The following ATRNL1 variants were observed in gnomAD, a reference collection of about 807,000 sequenced individuals.
The protein encoded by ATRNL1 is attractin-like protein 1.
ATRNL1 carries 95 observed loss-of-function variants against 182.7 expected under a neutral mutation model. That is an observed-to-expected ratio of 0.52 (90% CI 0.44 to 0.62). The LOEUF is 0.62. Ranked by LOEUF, ATRNL1 falls within the 20% of genes least tolerant of loss-of-function variation. The probability of loss-of-function intolerance (pLI) is 0.00; values close to 1 mark genes in which losing one functional copy is unlikely to be tolerated. For missense variants in ATRNL1, 1,471 were observed against 1,679.5 expected (o/e 0.88, Z 2.17); for synonymous variants, 576 against 568.3 (o/e 1.01, Z -0.19).
At chr10:115,600,129 C>G (rs1856511074) in intron 26 of ATRNL1, among the ~76,000 whole-genome samples, 1 of 152,050 alleles carries the variant, frequency 6.6e-6, no homozygotes. Flanking sequence ...CCCATCTTAA[C>G]AATGTTGAGA....
chr10:115,864,913 C>T (rs754107977), intron 28 of ATRNL1, among the ~76,000 whole-genome samples: 7 of 150,680 alleles, frequency 4.6e-5, no homozygotes, highest in Admixed American at 2.6e-4. Flanking sequence ...ACCCAGGAGG[C>T]GGAGCTTGCA....
intron 18 of ATRNL1, among the ~76,000 whole-genome samples, chr10:115,326,334 A>G (rs1233855888): frequency 1.3e-5 from 2 of 152,244 alleles, no homozygotes; most frequent in Middle Eastern, 3.4e-3. Flanking sequence ...CCCATTCACA[A>G]TTGCTTCAAA....
chr10:115,139,363 T>A (rs1845662190), intron 5 of ATRNL1, among the ~76,000 whole-genome samples: 1 of 152,196 alleles, frequency 6.6e-6, no homozygotes, highest in African/African-American at 2.4e-5. Context: ...TTCACACTGC[T>A]GATAAAGACA....
intron 24 of ATRNL1, among the ~76,000 whole-genome samples, chr10:115,475,380 C>T (rs1554972901): frequency 6.6e-6 from 1 of 151,380 alleles, no homozygotes; most frequent in African/African-American, 2.4e-5. Context: ...CACCTTTATA[C>T]CTATCAGTTT....
chr10:115,943,026 A>G (rs1349936944), intron 28 of ATRNL1, among the ~76,000 whole-genome samples: 1 of 152,230 alleles, frequency 6.6e-6, no homozygotes, highest in Non-Finnish European at 1.5e-5. Context: ...TAATTAAACA[A>G]TATGCTTCTT....
intron 1 of ATRNL1, among the ~76,000 whole-genome samples, chr10:115,095,056 G>C (rs1227159757): frequency 2.6e-5 from 4 of 152,138 alleles, no homozygotes; most frequent in African/African-American, 9.7e-5. Context: ...ATTCTTGCCT[G>C]ATATAAAAAG....
chr10:115,580,661 T>C (rs1855014175), intron 26 of ATRNL1, among the ~76,000 whole-genome samples: 1 of 149,616 alleles, frequency 6.7e-6, no homozygotes, highest in Non-Finnish European at 1.5e-5. Flanking sequence ...CAGCCATTAT[T>C]TCTTTAAATA....
At chr10:115,649,643 T>C (rs1220785050) in intron 26 of ATRNL1, among the ~76,000 whole-genome samples, 1 of 152,184 alleles carries the variant, frequency 6.6e-6, no homozygotes, top group Non-Finnish European at 1.5e-5. Flanking sequence ...GTGCATTTTA[T>C]TGTAAAAGGC....
intron 26 of ATRNL1, among the ~76,000 whole-genome samples, chr10:115,629,650 C>A (rs1269526418): frequency 3.3e-5 from 5 of 152,144 alleles, no homozygotes; most frequent in Admixed American, 2.6e-4. Context: ...AGAGTCAAGA[C>A]TGAACTGTCT....
At chr10:115,248,808 G>A (rs1161197798) in intron 10 of ATRNL1, among the ~76,000 whole-genome samples, 5 of 151,948 alleles carry the variant, frequency 3.3e-5, no homozygotes, top group Non-Finnish European at 7.4e-5. Flanking sequence ...TCATTTCAGG[G>A]GCAGGTGGGA....
intron 26 of ATRNL1, among the ~76,000 whole-genome samples, chr10:115,706,472 A>T (rs1740564926): frequency 6.6e-6 from 1 of 151,826 alleles, no homozygotes; most frequent in Admixed American, 6.6e-5. Flanking sequence ...GGACCTGGAG[A>T]TTTTTTGGGG....
At chr10:115,533,253 G>A (rs1260594262) in intron 25 of ATRNL1, among the ~76,000 whole-genome samples, 1 of 151,850 alleles carries the variant, frequency 6.6e-6, no homozygotes, top group Non-Finnish European at 1.5e-5. Flanking sequence ...TGGTTGGTAA[G>A]CTATTGATTA....
At chr10:115,762,916 TTAAA>T (rs1464909353) in intron 27 of ATRNL1, among the ~76,000 whole-genome samples, 3 of 152,114 alleles carry the variant, frequency 2.0e-5, no homozygotes, top group African/African-American at 4.8e-5. Flanking sequence ...CTTTCTTAAG[TTAAA>T]TAAAAATTAT....
intron 28 of ATRNL1, among the ~76,000 whole-genome samples, chr10:115,881,645 C>T (rs1003340952): frequency 1.3e-5 from 2 of 152,142 alleles, no homozygotes; most frequent in Non-Finnish European, 2.9e-5. Context: ...TTGACAGAGC[C>T]CTGCCATATG....
intron 26 of ATRNL1, among the ~76,000 whole-genome samples, chr10:115,723,798 TCCA>T (rs1947509347): frequency 1.3e-5 from 2 of 152,152 alleles, no homozygotes; most frequent in Non-Finnish European, 2.9e-5. Flanking sequence ...CCTCAGGTGA[TCCA>T]CCTGCCTCGG....
At chr10:115,209,719 CAT>C (rs1230167041) in intron 8 of ATRNL1, among the ~76,000 whole-genome samples, 3 of 151,704 alleles carry the variant, frequency 2.0e-5, no homozygotes, top group African/African-American at 4.8e-5. Flanking sequence ...AGGATAAGAA[CAT>C]ATGTTTTCTG....
intron 28 of ATRNL1, among the ~76,000 whole-genome samples, chr10:115,887,136 A>G (rs1338133169): frequency 1.3e-5 from 2 of 152,134 alleles, no homozygotes; most frequent in South Asian, 2.1e-4. Context: ...TGCATTTTCA[A>G]AAGATCCCTA....
At chr10:115,467,591 A>G (rs1554971125) in intron 23 of ATRNL1, among the ~76,000 whole-genome samples, 1 of 150,682 alleles carries the variant, frequency 6.6e-6, no homozygotes, top group East Asian at 1.9e-4. Flanking sequence ...CACTATTAAA[A>G]CTATAAATTT....
chr10:115,491,089 G>C (rs1849278507), intron 24 of ATRNL1, among the ~76,000 whole-genome samples: 1 of 152,156 alleles, frequency 6.6e-6, no homozygotes, highest in Non-Finnish European at 1.5e-5. Context: ...ATTGCTGCCT[G>C]TTCCTTTCTC....
Sources: gnomAD v4.1 joint callset for allele counts (sites outside exome capture counted in the v4.1 genomes callset) on GRCh38, gnomAD v4.1.1 for gene constraint, MANE v1.5 for transcripts, NCBI Gene and HGNC (gene_info 2026-07-23, HGNC 2026-07-21) for gene names.